The following RBFOX1 variants were observed in gnomAD, a reference collection of about 807,000 sequenced individuals.
RBFOX1 encodes RNA binding protein fox-1 homolog 1.
A neutral mutation model predicts 57.7 loss-of-function variants in RBFOX1; 8 were observed. The ratio of observed to expected loss-of-function variants is 0.14; its 90% CI spans 0.08 to 0.25. The LOEUF is 0.25. Among genes scored for constraint, RBFOX1 ranks in the 10% least tolerant of loss-of-function variants. RBFOX1 has a pLI of 1.00. For synonymous variants in RBFOX1, 326 were observed against 222.4 expected (o/e 1.47, Z -4.15); for missense variants, 611 against 548.5 (o/e 1.11, Z -1.14).
rs537888564 is a variant in RBFOX1, at chr16:5,763,522, T to C, written c.319-103781T>C. ...GATGAAGGGGGCATGTCTTTACCTTTCCTTATCCCCATATTTTCACCGAGT... is the reference window on the plus strand; with the variant it reads ...GATGAAGGGGGCATGTCTTTACCTTCCCTTATCCCCATATTTTCACCGAGT... On this transcript the variant is annotated intron_variant, in intron 3 of 19. Coordinates refer to the RBFOX1 transcript ENST00000641259. Among the ~76,000 whole-genome samples, 6 of 152,366 alleles carry C rather than the reference T, an allele frequency of 3.9e-5. No homozygotes were observed. The East Asian group carries it at 1.2e-3, about 29-fold the overall frequency.
At chr16:6,756,648 G>C (rs1414630997) in intron 3 of RBFOX1, among the ~76,000 whole-genome samples, 1 of 151,980 alleles carries the variant, frequency 6.6e-6, no homozygotes, top group African/African-American at 2.4e-5. Flanking sequence ...TTTAAAAATG[G>C]GCAAAGGATC....
chr16:6,857,417 C>A (rs944949002), intron 3 of RBFOX1, among the ~76,000 whole-genome samples: 4 of 150,336 alleles, frequency 2.7e-5, no homozygotes, highest in Admixed American at 1.3e-4. Context: ...AGGTCAAATC[C>A]CATGTACGCC....
intron 3 of RBFOX1, among the ~76,000 whole-genome samples, chr16:6,778,489 A>G (rs570755697): frequency 6.6e-5 from 10 of 152,208 alleles, no homozygotes; most frequent in East Asian, 1.9e-4. Flanking sequence ...ATTACACCCA[A>G]TCCTTCAACA....
At chr16:7,306,011 C>T (rs529995934) in intron 4 of RBFOX1, among the ~76,000 whole-genome samples, 48 of 152,288 alleles carry the variant, frequency 3.2e-4, no homozygotes, top group Non-Finnish European at 6.0e-4. Flanking sequence ...AGATGCTAAG[C>T]CTCAGTTGGA....
chr16:7,005,881 A>T (rs2153643936), intron 3 of RBFOX1, among the ~76,000 whole-genome samples: 1 of 152,230 alleles, frequency 6.6e-6, no homozygotes. Context: ...TCTTCTGGAT[A>T]AGAACTATGA....
At chr16:5,370,708 A>G (rs2065836569) in intron 1 of RBFOX1, among the ~76,000 whole-genome samples, 1 of 151,528 alleles carries the variant, frequency 6.6e-6, no homozygotes, top group African/African-American at 2.4e-5. Context: ...GCCCAGGCTG[A>G]TCTTTAACAC....
intron 4 of RBFOX1, among the ~76,000 whole-genome samples, chr16:7,295,085 T>G (rs2095864247): frequency 6.6e-6 from 1 of 152,208 alleles, no homozygotes; most frequent in African/African-American, 2.4e-5. Context: ...CACAAAATAG[T>G]GAAGGACTTG....
intron 1 of RBFOX1, among the ~76,000 whole-genome samples, chr16:6,069,413 AAAAGGG>A (rs2095808125): frequency 6.6e-6 from 1 of 150,556 alleles, no homozygotes; most frequent in South Asian, 2.1e-4. Context: ...AAAAAAAAAA[AAAAGGG>A]AGGGGATAAA....
intron 1 of RBFOX1, among the ~76,000 whole-genome samples, chr16:6,033,367 A>C (rs971633268): frequency 4.9e-4 from 74 of 152,326 alleles, no homozygotes; most frequent in African/African-American, 1.6e-3. Flanking sequence ...AAAATGCAGG[A>C]GTATGCAGAG....
At chr16:6,624,440 G>T (rs562563090) in intron 2 of RBFOX1, among the ~76,000 whole-genome samples, 1 of 152,148 alleles carries the variant, frequency 6.6e-6, no homozygotes, top group Non-Finnish European at 1.5e-5. Flanking sequence ...AAATGAGTGG[G>T]GATGGTGAAT....
intron 10 of RBFOX1, among the ~76,000 whole-genome samples, 171 bp downstream of exon 10, chr16:7,607,509 T>G (rs1568065031): frequency 6.6e-6 from 1 of 152,184 alleles, no homozygotes; most frequent in Non-Finnish European, 1.5e-5. Context: ...GTTTAAAAAT[T>G]ACAAGGGAAT....
chr16:7,260,044 A>G (rs1427838735), intron 4 of RBFOX1, among the ~76,000 whole-genome samples: 1 of 152,192 alleles, frequency 6.6e-6, no homozygotes, highest in Non-Finnish European at 1.5e-5. Flanking sequence ...TAAGCTCCAT[A>G]AGAACAGAGA....
At chr16:6,863,504 C>G (rs961474738) in intron 3 of RBFOX1, among the ~76,000 whole-genome samples, 3 of 151,974 alleles carry the variant, frequency 2.0e-5, no homozygotes, top group Non-Finnish European at 4.4e-5. Context: ...GAACACATAG[C>G]AGGAACTGTG....
intron 2 of RBFOX1, among the ~76,000 whole-genome samples, chr16:5,472,412 C>T (rs912233133): frequency 6.6e-6 from 1 of 152,192 alleles, no homozygotes; most frequent in Non-Finnish European, 1.5e-5. Flanking sequence ...GGGGGATCCT[C>T]AGGGTTAGAT....
chr16:5,291,819 C>G (rs546963865), intron 1 of RBFOX1, among the ~76,000 whole-genome samples: 1 of 151,998 alleles, frequency 6.6e-6, no homozygotes, highest in Non-Finnish European at 1.5e-5. Context: ...GTAAAACCCA[C>G]GTGACTTGGT....
chr16:6,400,462 A>C (rs2109457), intron 2 of RBFOX1, among the ~76,000 whole-genome samples: 68,042 of 152,074 alleles, frequency 0.45, 16,036 homozygotes, highest in Non-Finnish European at 0.51. Flanking sequence ...GTATAGCTAT[A>C]GATGCTGTAA....
intron 4 of RBFOX1, among the ~76,000 whole-genome samples, chr16:7,203,671 G>A (rs540794103): frequency 6.6e-6 from 1 of 152,298 alleles, no homozygotes; most frequent in Non-Finnish European, 1.5e-5. Context: ...CCCTCTATGT[G>A]TGAGCCCTAG....
At position 5,284,873 on chromosome 16, in the gene RBFOX1, C is replaced by T. The variant is rs144888381; in HGVS notation, c.219+44768C>T. On this transcript the variant is annotated intron_variant, in intron 1 of 2. Coordinates refer to the RBFOX1 transcript ENST00000585867. ...AGATTCTCTTATAAGGGACTTCATG[C>T]TTTTCTCTTGCTGTTTTTAGAATTT... 2.4e-4 allele frequency among the ~76,000 whole-genome samples: 34 copies of T among 144,224 alleles called. No homozygotes were observed. In the East Asian group the frequency reaches 6.8e-3, roughly 29 times the overall value. The allele number at this position is 144,224 out of a possible 152,430, so 94.6% of individuals were successfully genotyped here.
intron 1 of RBFOX1, among the ~76,000 whole-genome samples, chr16:6,062,987 A>G (rs182508045): frequency 6.6e-6 from 1 of 152,174 alleles, no homozygotes; most frequent in Non-Finnish European, 1.5e-5. Flanking sequence ...GAAGAACTTC[A>G]ATGGATTCAG....
Sources: allele counts gnomAD v4.1 joint callset (sites outside exome capture counted in the v4.1 genomes callset), GRCh38; gene constraint gnomAD v4.1.1; transcripts MANE v1.5; gene names NCBI Gene and HGNC (gene_info 2026-07-23, HGNC 2026-07-21).